The following SP100 variants were observed in gnomAD, a reference collection of about 807,000 sequenced individuals.
The protein encoded by SP100 is nuclear autoantigen Sp-100.
SP100 carries 84 observed loss-of-function variants against 130.0 expected under a neutral mutation model. The observed-to-expected ratio is 0.65, with a 90% CI of 0.54 to 0.77. The LOEUF (loss-of-function observed/expected upper bound fraction) is 0.77. SP100 is among the 30% of genes least tolerant of loss of function. The probability of loss-of-function intolerance (pLI) is 0.00; values close to 1 mark genes in which losing one functional copy is unlikely to be tolerated. For synonymous variants in SP100, 331 were observed against 351.7 expected (o/e 0.94, Z 0.66); for missense variants, 978 against 1,052.2 (o/e 0.93, Z 0.97).
chr2:230,541,776 C>A (rs1692188538), intron 27 of SP100, 116 bp from the exon 28 acceptor site: 3 of 1,124,162 alleles, frequency 2.7e-6, no homozygotes, highest in Non-Finnish European at 3.8e-6. Flanking sequence ...AGTACCTTCA[C>A]AGGGGGGTTA....
intron 24 of SP100, among the ~76,000 whole-genome samples, chr2:230,525,210 T>G (rs1691364755): frequency 6.6e-6 from 1 of 152,200 alleles, no homozygotes; most frequent in African/African-American, 2.4e-5. Context: ...AGTTCAACCA[T>G]GTCATAGATG....
chr2:230,442,179 A>G (rs953097932), intron 2 of SP100, among the ~76,000 whole-genome samples: 5 of 152,220 alleles, frequency 3.3e-5, no homozygotes, highest in Non-Finnish European at 5.9e-5. Flanking sequence ...AAATACTGAG[A>G]TGTTGACTAA....
chr2:230,529,090 A>G (rs1691573239), intron 24 of SP100, among the ~76,000 whole-genome samples: 1 of 152,258 alleles, frequency 6.6e-6, no homozygotes, highest in Non-Finnish European at 1.5e-5. Flanking sequence ...GGCTAGCATC[A>G]TCCTGATACC....
At chr2:230,515,648 C>T (rs1203404681) in intron 24 of SP100, 1 of 1,592,714 alleles carries the variant, frequency 6.3e-7, no homozygotes, top group Non-Finnish European at 8.5e-7. Context: ...TAAGTTGCTT[C>T]TAGTGCAGTT....
intron 15 of SP100, 52 bp from the exon 16 acceptor site, chr2:230,473,272 A>G: frequency 1.6e-6 from 2 of 1,270,926 alleles, no homozygotes; most frequent in South Asian, 2.5e-5. Flanking sequence ...GGGAAGGAGA[A>G]TCTTTGAAGG....
intron 24 of SP100, among the ~76,000 whole-genome samples, chr2:230,525,724 C>T (rs1691389802): frequency 6.6e-6 from 1 of 152,216 alleles, no homozygotes; most frequent in Non-Finnish European, 1.5e-5. Flanking sequence ...GTCTTAGCAA[C>T]CGACAGACCA....
intron 24 of SP100, 55 bp downstream of exon 24, chr2:230,511,221 A>G: frequency 8.5e-7 from 1 of 1,174,700 alleles, no homozygotes; most frequent in Non-Finnish European, 1.3e-6. Flanking sequence ...TTCTCCAGGC[A>G]CACTATGTCA....
chr2:230,484,041 A>T (rs2065953070), intron 17 of SP100, among the ~76,000 whole-genome samples: 1 of 152,232 alleles, frequency 6.6e-6, no homozygotes, highest in African/African-American at 2.4e-5. Flanking sequence ...TTTCTGTCCC[A>T]CGTCACAGCC....
At position 230,544,669 on chromosome 2, in the gene SP100, C is replaced by CG. The variant is rs1692265650; in HGVS notation, c.*1727dup. Among the ~76,000 whole-genome samples the CG allele has an allele frequency of 1.3e-5, 2 of 152,164 alleles. No individual in the cohort carries two copies. Among genetic ancestry groups the CG allele is most frequent in the African/African-American group, 4.8e-5 (2 of 41,522 alleles). ...GACTGATTTTGTATTTTAGTAGAGA[C>CG]GGGGTTTCTCCACATTGGTCAGGCT... is the stretch of plus-strand genomic sequence containing the variant. On this transcript the variant is annotated 3_prime_UTR_variant, in exon 29 of 29. Transcript: ENST00000340126.
intron 15 of SP100, chr2:230,470,623 T>G (rs1363820326): frequency 5.0e-6 from 1 of 198,976 alleles, no homozygotes; most frequent in East Asian, 1.8e-4. Context: ...TCTTATTTTG[T>G]CATCACAAAA....
Position 230,504,198 on chromosome 2 carries a change from C to T in SP100, c.1778C>T (p.Pro593Leu), listed in dbSNP as rs756139778. Residue 593 changes from proline to leucine, a missense_variant, in exon 21 of 29, where the codon CCC becomes CTC. By Grantham distance (98) the Pro-to-Leu change is moderately conservative. Coordinates refer to ENST00000340126, the MANE Select transcript of SP100 (RefSeq NM_001080391.2). ...TGCTTCCTTGCAGGTCCAAGAATTC[C>T]CAAAGATGAAAATATTAATTTTAAA... ...KRRRKRGPRIPKDENINFKQS... is the reference protein window; with the variant it reads ...KRRRKRGPRILKDENINFKQS... 1.9e-6 allele frequency: 3 copies of T among 1,607,004 alleles called. No homozygotes were observed. The African/African-American group carries it at 4.0e-5, about 22-fold the overall frequency.
At chr2:230,521,131 T>A (rs1691151560) in intron 24 of SP100, among the ~76,000 whole-genome samples, 1 of 152,212 alleles carries the variant, frequency 6.6e-6, no homozygotes, top group Non-Finnish European at 1.5e-5. Flanking sequence ...AAGTGGCCTG[T>A]AGGTTTTCAC....
At chr2:230,510,680 A>G (rs1027358256) in intron 23 of SP100, 3 of 192,746 alleles carry the variant, frequency 1.6e-5, no homozygotes, top group East Asian at 1.6e-4. Context: ...TATTTTTAGT[A>G]GTGACGGGGT....
At chr2:230,514,727 T>C (rs1214844048) in intron 24 of SP100, among the ~76,000 whole-genome samples, 1 of 152,218 alleles carries the variant, frequency 6.6e-6, no homozygotes, top group African/African-American at 2.4e-5. Context: ...ACTTTTTCGT[T>C]AGACATTTTA....
At chr2:230,513,949 A>G (rs942792011) in intron 24 of SP100, among the ~76,000 whole-genome samples, 10 of 152,264 alleles carry the variant, frequency 6.6e-5, no homozygotes, top group African/African-American at 2.4e-4. Flanking sequence ...ACAACTTGAA[A>G]ACACAATAGA....
chr2:230,531,927 C>A (rs1406961758), intron 24 of SP100, among the ~76,000 whole-genome samples: 1 of 151,876 alleles, frequency 6.6e-6, no homozygotes, highest in African/African-American at 2.4e-5. Context: ...TTTGTTTTTG[C>A]TCCTAATTTT....
intron 24 of SP100, among the ~76,000 whole-genome samples, chr2:230,524,179 C>CAAAAAAGAAA (rs1691304344): frequency 1.3e-5 from 1 of 75,422 alleles, no homozygotes; most frequent in Non-Finnish European, 2.4e-5. Flanking sequence ...ACTAAAAATA[C>CAAAAAAGAAA]AAAAAAAAAA....
intron 18 of SP100, among the ~76,000 whole-genome samples, chr2:230,495,850 T>C (rs903359853): frequency 6.6e-6 from 1 of 152,226 alleles, no homozygotes; most frequent in East Asian, 1.9e-4. Flanking sequence ...ATAGAGATAG[T>C]AGCACTTTTT....
At chr2:230,475,969 G>A (rs113718049) in intron 17 of SP100, among the ~76,000 whole-genome samples, 2 of 152,174 alleles carry the variant, frequency 1.3e-5, no homozygotes, top group Non-Finnish European at 2.9e-5. Flanking sequence ...GTTGGGCAAC[G>A]CGATGCCTCT....
Sources: gnomAD v4.1 joint callset for allele counts (sites outside exome capture counted in the v4.1 genomes callset) on GRCh38, gnomAD v4.1.1 for gene constraint, MANE v1.5 for transcripts, NCBI Gene and HGNC (gene_info 2026-07-23, HGNC 2026-07-21) for gene names.